ANKRD30B: variants seen among roughly 807,000 people sequenced by gnomAD.
The protein encoded by ANKRD30B is ankyrin repeat domain-containing protein 30B.
In ANKRD30B, 144 loss-of-function variants were observed where a neutral mutation model predicts 202.2. That is an observed-to-expected ratio of 0.71 (90% CI 0.62 to 0.82). The LOEUF (loss-of-function observed/expected upper bound fraction) is 0.82, where lower values mean the gene tolerates loss of function less well. Ranked by LOEUF, ANKRD30B falls within the 40% of genes least tolerant of loss-of-function variation. The pLI is 0.00. For synonymous variants in ANKRD30B, 508 were observed against 561.3 expected (o/e 0.91, Z 1.34); for missense variants, 1,487 against 1,669.1 (o/e 0.89, Z 1.90).
chr18:14,763,376 C>T (rs1212263738), intron 6 of ANKRD30B, among the ~76,000 whole-genome samples: 1 of 152,004 alleles, frequency 6.6e-6, no homozygotes, highest in Non-Finnish European at 1.5e-5. Context: ...TGGTGAAACT[C>T]GTCTCTACTA....
At chr18:14,755,302 T>A (rs1309603080) in intron 4 of ANKRD30B, among the ~76,000 whole-genome samples, 10 of 152,164 alleles carry the variant, frequency 6.6e-5, no homozygotes, top group African/African-American at 2.4e-4. Flanking sequence ...TTAAGAAGTA[T>A]GAACTTTTTT....
At chr18:14,896,383 G>A in the ANKRD30B span, among the ~76,000 whole-genome samples, 8 of 152,082 alleles carry the variant, frequency 5.3e-5, no homozygotes, top group South Asian at 4.2e-4. Context: ...TGCCCACCTC[G>A]GCCTCCCAAA....
At chr18:14,823,945 T>G (rs1234076577) in intron 32 of ANKRD30B, among the ~76,000 whole-genome samples, 2 of 152,036 alleles carry the variant, frequency 1.3e-5, no homozygotes, top group East Asian at 3.9e-4. Flanking sequence ...ACTCCAGCCT[T>G]GGTAACAGAG....
intron 6 of ANKRD30B, among the ~76,000 whole-genome samples, chr18:14,761,195 C>T (rs1310914779): frequency 3.3e-5 from 5 of 152,074 alleles, no homozygotes; most frequent in East Asian, 1.9e-4. Context: ...TTATAACCTG[C>T]GGGGGTCTAT....
chr18:14,767,519 T>C (rs893857210), intron 7 of ANKRD30B, among the ~76,000 whole-genome samples: 5 of 152,150 alleles, frequency 3.3e-5, no homozygotes, highest in African/African-American at 7.2e-5. Context: ...GTGATGACTG[T>C]GAGATGATAT....
intron 23 of ANKRD30B, among the ~76,000 whole-genome samples, chr18:14,803,249 G>C (rs2144010079): frequency 4.1e-5 from 1 of 24,480 alleles, no homozygotes; most frequent in South Asian, 1.3e-3. Flanking sequence ...TTCCGTGCAT[G>C]CATTATATGA....
rs1235835963 is a variant in ANKRD30B at position 14,764,076 on chromosome 18, A to G, written c.1211A>G (p.Lys404Arg). ...IACPTKETST[K>R]ASTNVDVSSV... The stretch of plus-strand genomic sequence containing the variant: ...TGTCCTACAAAAGAAACATCTACAA[A>G]AGCAAGTACAAATGGTAAGATGCTT... Residue 404 changes from lysine to arginine, a missense_variant, in exon 7 of 44, where the codon AAA (lysine) becomes AGA (arginine). Coordinates refer to ENST00000690538, the MANE Select transcript of ANKRD30B (RefSeq NM_001367607.2). The G allele has an allele frequency of 6.6e-7, 1 of 1,525,406 alleles. No individual in the cohort carries two copies. Among genetic ancestry groups the G allele is most frequent in the African/African-American group, 1.4e-5 (1 of 71,050 alleles). The allele number at this position is 1,525,406 out of a possible 1,614,324, so 94.5% of individuals were successfully genotyped here.
chr18:14,921,476 C>G, the ANKRD30B span, among the ~76,000 whole-genome samples: 5 of 152,092 alleles, frequency 3.3e-5, no homozygotes, highest in Admixed American at 1.3e-4. Flanking sequence ...CCCAAGGTGT[C>G]ACGAGGCCCC....
At chr18:14,787,273 C>T (rs187196482) in intron 15 of ANKRD30B, among the ~76,000 whole-genome samples, 173 bp downstream of exon 15, 43 of 152,228 alleles carry the variant, frequency 2.8e-4, no homozygotes, top group Admixed American at 2.6e-3. Flanking sequence ...ATTACCACTT[C>T]ATGGTGAAAT....
intron 6 of ANKRD30B, among the ~76,000 whole-genome samples, chr18:14,762,028 G>A (rs1282248065): frequency 6.6e-6 from 1 of 151,984 alleles, no homozygotes; most frequent in Non-Finnish European, 1.5e-5. Context: ...TACTATATAC[G>A]GTATTCTTAC....
intron 14 of ANKRD30B, among the ~76,000 whole-genome samples, chr18:14,785,014 TTG>T (rs890380567): frequency 4.6e-5 from 7 of 151,650 alleles, no homozygotes; most frequent in East Asian, 1.9e-4. Context: ...GTGTTTGTGT[TTG>T]TGTGTGTGTG....
At chr18:14,861,151 A>T in the ANKRD30B span, among the ~76,000 whole-genome samples, 58 of 152,340 alleles carry the variant, frequency 3.8e-4, no homozygotes, top group African/African-American at 1.3e-3. Flanking sequence ...AAATAAAAGA[A>T]TGATACTTGC....
rs369205860 is a variant in ANKRD30B, at chr18:14,791,387, A to G, written c.1735-14A>G. The G allele has an allele frequency of 3.2e-6, 5 of 1,577,918 alleles. No individual in the cohort carries two copies. The African/African-American group carries it at 6.8e-5, about 22-fold the overall frequency. Reference sequence around the variant, plus strand: ...TTTTTCATTGAAATTATTTATTGATATTACTTTTAACAGAGTCCCTGTGAG... The same window carrying G: ...TTTTTCATTGAAATTATTTATTGATGTTACTTTTAACAGAGTCCCTGTGAG... On this transcript the variant is annotated splice_polypyrimidine_tract_variant and intron_variant, in intron 15 of 43. Transcript: ENST00000690538.
chr18:14,768,835 C>T (rs879416159), intron 7 of ANKRD30B, among the ~76,000 whole-genome samples: 1 of 152,162 alleles, frequency 6.6e-6, no homozygotes, highest in East Asian at 1.9e-4. Context: ...GATAATAATA[C>T]AATTTTCTGT....
At chr18:14,865,204 T>C in the ANKRD30B span, among the ~76,000 whole-genome samples, 2 of 150,860 alleles carry the variant, frequency 1.3e-5, no homozygotes, top group African/African-American at 4.9e-5. Context: ...CAAAACCTTT[T>C]CACTTTCCTC....
At chr18:14,819,585 C>T (rs1424275610) in intron 30 of ANKRD30B, among the ~76,000 whole-genome samples, 8 of 150,994 alleles carry the variant, frequency 5.3e-5, no homozygotes, top group South Asian at 2.1e-4. Context: ...ACATATGGCT[C>T]GCCAGTTTTC....
chr18:14,821,871 A>G (rs1355068751), intron 30 of ANKRD30B, among the ~76,000 whole-genome samples: 1 of 152,230 alleles, frequency 6.6e-6, no homozygotes, highest in Non-Finnish European at 1.5e-5. Flanking sequence ...TATTTCACAG[A>G]GGTTCAAAAA....
chr18:14,814,714 A>G lies in ANKRD30B; in HGVS notation c.2641+3A>G, dbSNP rs1970001822. The G allele has an allele frequency of 1.0e-6, 1 of 965,226 alleles. No homozygotes were observed. Among genetic ancestry groups the G allele is most frequent in the South Asian group, 1.7e-5 (1 of 58,314 alleles). 59.8% of individuals were successfully genotyped at this position (965,226 alleles called of 1,614,324 possible). On this transcript the variant is annotated splice_donor_region_variant and intron_variant, in intron 30 of 43. Coordinates refer to ENST00000690538, the MANE Select transcript of ANKRD30B (RefSeq NM_001367607.2). ...TACCTTAAGTGGAAAATTAGAAGGT[A>G]AGAACCATATTTTATTTAAAAAGTC...
the ANKRD30B span, among the ~76,000 whole-genome samples, chr18:14,866,979 G>A: frequency 2.3e-4 from 35 of 150,692 alleles, 1 homozygote; most frequent in South Asian, 6.8e-3. Flanking sequence ...CAGGCAGTCC[G>A]GGGGTGCTTT....
Sources: allele counts gnomAD v4.1 joint callset (sites outside exome capture counted in the v4.1 genomes callset), GRCh38; gene constraint gnomAD v4.1.1; transcripts MANE v1.5; gene names NCBI Gene and HGNC (gene_info 2026-07-23, HGNC 2026-07-21).